Variants in CSMD3 observed in about 807,000 individuals in gnomAD.
The protein encoded by CSMD3 is CUB and Sushi multiple domains 3, also known as CUB and sushi domain-containing protein 3.
A neutral mutation model predicts 435.2 loss-of-function variants in CSMD3; 177 were observed. The observed-to-expected ratio is 0.41, with a 90% CI of 0.36 to 0.46. The LOEUF is 0.46. CSMD3 is among the 20% of genes least tolerant of loss of function. The probability of loss-of-function intolerance (pLI) is 0.34; values close to 1 mark genes in which losing one functional copy is unlikely to be tolerated. For synonymous variants in CSMD3, 1,656 were observed against 1,520.5 expected (o/e 1.09, Z -2.07); for missense variants, 4,265 against 4,504.6 (o/e 0.95, Z 1.52).
chr8:112,648,861 A>T (rs2075051161), intron 19 of CSMD3, among the ~76,000 whole-genome samples: 1 of 152,186 alleles, frequency 6.6e-6, no homozygotes, highest in South Asian at 2.1e-4. Context: ...TCTCAACCAC[A>T]GGGATAGATG....
chr8:113,288,893 G>T (rs2093664827), intron 2 of CSMD3, among the ~76,000 whole-genome samples: 1 of 151,760 alleles, frequency 6.6e-6, no homozygotes, highest in African/African-American at 2.4e-5. Context: ...ATTTAATTGG[G>T]ATAATGCTTG....
chr8:112,996,481 G>A (rs1395687600), intron 6 of CSMD3, among the ~76,000 whole-genome samples: 2 of 151,672 alleles, frequency 1.3e-5, no homozygotes, highest in Non-Finnish European at 3.0e-5. Context: ...ATGTACATAA[G>A]CACAGGCAGG....
chr8:112,451,609 G>A (rs986314786), intron 32 of CSMD3, among the ~76,000 whole-genome samples: 8 of 151,880 alleles, frequency 5.3e-5, no homozygotes, highest in African/African-American at 2.4e-5. Context: ...CACCTTCTCA[G>A]CTTACTGCAA....
At chr8:113,120,933 C>A (rs974247843) in intron 4 of CSMD3, among the ~76,000 whole-genome samples, 4 of 152,028 alleles carry the variant, frequency 2.6e-5, no homozygotes, top group African/African-American at 7.2e-5. Context: ...CACATTTACA[C>A]GCAGGGCCTC....
At chr8:113,199,989 C>G (rs534810221) in intron 3 of CSMD3, among the ~76,000 whole-genome samples, 2 of 151,938 alleles carry the variant, frequency 1.3e-5, no homozygotes, top group East Asian at 3.9e-4. Flanking sequence ...TATCTCCAGT[C>G]CAAATCTCCT....
chr8:112,294,128 C>T (rs1026488411), intron 54 of CSMD3, among the ~76,000 whole-genome samples: 2 of 151,944 alleles, frequency 1.3e-5, no homozygotes, highest in Admixed American at 1.3e-4. Flanking sequence ...TCATTGTCAG[C>T]TAGATATTCT....
At position 112,804,743 on chromosome 8, in the gene CSMD3, C is replaced by T. The variant is rs1322389562; in HGVS notation, c.1860-4469G>A. On this transcript the variant is annotated intron_variant, in intron 12 of 70. Transcript: ENST00000297405. ...GCATTGGCGCGATCTCGGCTCACTG[C>T]AACCTCCAACTCCCGGGTTCAAGCA... Among the ~76,000 whole-genome samples, 3 of 151,688 alleles carry T rather than the reference C, an allele frequency of 2.0e-5. 1 individual carries two copies. In the East Asian group the frequency reaches 5.8e-4, roughly 29 times the overall value.
At chr8:112,315,661 C>T (rs1321167979) in intron 47 of CSMD3, among the ~76,000 whole-genome samples, 1 of 151,700 alleles carries the variant, frequency 6.6e-6, no homozygotes, top group African/African-American at 2.4e-5. Flanking sequence ...AATTGCTAAC[C>T]AGTTTTAAAC....
At chr8:112,889,618 G>C (rs1259871330) in intron 10 of CSMD3, among the ~76,000 whole-genome samples, 1 of 151,624 alleles carries the variant, frequency 6.6e-6, no homozygotes, top group African/African-American at 2.4e-5. Context: ...GTCTGCTTGG[G>C]AAAACTTCAA....
chr8:112,335,410 C>A lies in CSMD3; in HGVS notation c.7084G>T (p.Val2362Phe). 6.2e-7 allele frequency: 1 copy of A among 1,613,930 alleles called. No individual in the cohort carries two copies. The highest frequency in any genetic ancestry group is 8.5e-7 in the Non-Finnish European group (1 of 1,179,874). ...AGAATCTGATTTGAAGTACTGTAGA[C>A]TGATTCCAAAGCGGTATTGCCACTG... ...QFSGNTALES[V>F]YSTSNQILIK... The change falls in exon 45 of 71, where the codon GTC (valine) becomes TTC (phenylalanine). Residue 2362 changes from valine to phenylalanine, a missense_variant. Val to Phe is a conservative substitution (Grantham distance 50, BLOSUM62 -1). Around this residue, in one of 3 missense-constraint regions of CSMD3, gnomAD observed 3,255 missense variants for 3,380.2 expected, o/e 0.96. Transcript: ENST00000297405.
intron 1 of CSMD3, among the ~76,000 whole-genome samples, chr8:113,355,244 G>C (rs1468846112): frequency 1.3e-5 from 2 of 151,622 alleles, no homozygotes; most frequent in African/African-American, 4.9e-5. Flanking sequence ...TGTATGTGTA[G>C]GTGTGTATGT....
chr8:113,270,336 A>G (rs1364360736), intron 3 of CSMD3, among the ~76,000 whole-genome samples: 1 of 150,158 alleles, frequency 6.7e-6, no homozygotes, highest in Non-Finnish European at 1.5e-5. Context: ...CAGGTGCTGG[A>G]GATGATGTGA....
chr8:112,315,836 T>C (rs1437602383), intron 47 of CSMD3, among the ~76,000 whole-genome samples: 1 of 151,870 alleles, frequency 6.6e-6, no homozygotes, highest in Non-Finnish European at 1.5e-5. Context: ...TAAATAGCAT[T>C]GTTTCTCAAA....
At chr8:113,184,885 C>A (rs2092475773) in intron 3 of CSMD3, among the ~76,000 whole-genome samples, 1 of 152,068 alleles carries the variant, frequency 6.6e-6, no homozygotes, top group Non-Finnish European at 1.5e-5. Context: ...TCTCAATTTA[C>A]AACCCATTCA....
chr8:113,135,103 C>T lies in CSMD3; in HGVS notation c.710-36140G>A, dbSNP rs185223657. On this transcript the variant is annotated intron_variant, in intron 4 of 70. Transcript: ENST00000297405. ...GCTGTACTAGGAATGAAAGTGCTAA[C>T]TTGAGTTTAGGTAAGAACATTGAAA... is the stretch of plus-strand genomic sequence containing the variant. 5.9e-3 allele frequency among the ~76,000 whole-genome samples: 893 copies of T among 152,052 alleles called. 4 individuals are homozygous for T. The highest frequency in any genetic ancestry group is 0.019 in the African/African-American group (794 of 41,534).
At chr8:112,558,740 A>G (rs1284883964) in intron 24 of CSMD3, among the ~76,000 whole-genome samples, 1 of 151,896 alleles carries the variant, frequency 6.6e-6, no homozygotes, top group African/African-American at 2.4e-5. Flanking sequence ...GTTTTGCATT[A>G]CTGATCAACA....
intron 17 of CSMD3, among the ~76,000 whole-genome samples, chr8:112,663,576 T>C (rs977176709): frequency 3.3e-5 from 5 of 151,878 alleles, no homozygotes; most frequent in African/African-American, 4.8e-5. Flanking sequence ...ACGTGGCACA[T>C]GTATACATAT....
chr8:112,354,731 C>T (rs1489473764), intron 38 of CSMD3, among the ~76,000 whole-genome samples: 5 of 152,192 alleles, frequency 3.3e-5, no homozygotes, highest in African/African-American at 7.2e-5. Context: ...ATTCCATGCT[C>T]ATGAATTGGA....
At chr8:112,584,177 CT>C (rs1237534173) in intron 23 of CSMD3, among the ~76,000 whole-genome samples, 1 of 151,698 alleles carries the variant, frequency 6.6e-6, no homozygotes, top group Admixed American at 6.6e-5. Flanking sequence ...GATGTATAAA[CT>C]TTCTTCATTT....
Sources: gnomAD v4.1 joint callset for allele counts (sites outside exome capture counted in the v4.1 genomes callset) on GRCh38, gnomAD v4.1.1 for gene constraint, gnomAD v4.1.1 regional missense constraint, MANE v1.5 for transcripts, NCBI Gene and HGNC (gene_info 2026-07-23, HGNC 2026-07-21) for gene names.